Variants in TNRC6C observed in about 807,000 individuals in gnomAD.
The protein encoded by TNRC6C is trinucleotide repeat containing adaptor 6C, also known as trinucleotide repeat-containing gene 6C protein.
A neutral mutation model predicts 153.7 loss-of-function variants in TNRC6C; 20 were observed. That is an observed-to-expected ratio of 0.13 (90% confidence interval 0.09 to 0.19). The LOEUF is 0.19. Among genes scored for constraint, TNRC6C ranks in the 10% least tolerant of loss-of-function variants. The probability of loss-of-function intolerance (pLI) is 1.00; values close to 1 mark genes in which losing one functional copy is unlikely to be tolerated. For missense variants in TNRC6C, 1,987 were observed against 2,172.0 expected (o/e 0.91, Z 1.69); for synonymous variants, 811 against 841.4 (o/e 0.96, Z 0.63).
chr17:78,044,178 A>G (rs949718208), intron 2 of TNRC6C, among the ~76,000 whole-genome samples: 2 of 152,234 alleles, frequency 1.3e-5, no homozygotes, highest in Non-Finnish European at 2.9e-5. Flanking sequence ...TTGAGCTATC[A>G]GTTCCTCTTG....
intron 1 of TNRC6C, chr17:78,011,892 A>G (rs1359325079): frequency 1.3e-5 from 2 of 152,172 alleles, no homozygotes; most frequent in Admixed American, 6.5e-5. Context: ...ATTGGCATTA[A>G]CCTAATGACT....
At chr17:78,084,042 G>A (rs1336922446) in intron 11 of TNRC6C, among the ~76,000 whole-genome samples, 1 of 152,072 alleles carries the variant, frequency 6.6e-6, no homozygotes, top group Non-Finnish European at 1.5e-5. Flanking sequence ...CCAGCATTTT[G>A]GGAGGCCCAG....
intron 1 of TNRC6C, among the ~76,000 whole-genome samples, chr17:77,978,169 T>G (rs2071028624): frequency 6.6e-6 from 1 of 152,122 alleles, no homozygotes; most frequent in African/African-American, 2.4e-5. Context: ...AGTACTGGGA[T>G]TACAGGCGTG....
Position 78,051,428 on chromosome 17 carries a change from G to A in TNRC6C, c.2366G>A (p.Arg789Gln), listed in dbSNP as rs564951028. ...CACCAGGCCGGTACTCAGCTGAATC[G>A]ATCACCGTTGCTTGGTCCAGGTAGG... The change falls in exon 3 of 20, where the codon CGA becomes CAA. Residue 789 changes from arginine to glutamine, a missense_variant. By Grantham distance (43) the Arg-to-Gln change is conservative. Transcript: ENST00000301624. 23 of 1,515,228 alleles carry A rather than the reference G, an allele frequency of 1.5e-5. No individual in the cohort carries two copies. In the Admixed American group the frequency reaches 3.4e-4, roughly 22 times the overall value. 93.9% of individuals were successfully genotyped at this position (1,515,228 alleles called of 1,614,324 possible). A position where few individuals can be genotyped will look rare whatever the true frequency, so the allele number is the denominator to read the frequency against.
chr17:78,081,278 G>A (rs951343398), intron 10 of TNRC6C, among the ~76,000 whole-genome samples: 11 of 149,080 alleles, frequency 7.4e-5, no homozygotes, highest in Non-Finnish European at 1.5e-4. Context: ...GAATTCTCGG[G>A]GGACGCAGAC....
chr17:78,012,896 A>G (rs2071661517), intron 1 of TNRC6C, among the ~76,000 whole-genome samples: 2 of 152,154 alleles, frequency 1.3e-5, no homozygotes, highest in South Asian at 2.1e-4. Flanking sequence ...TTGCATCTCT[A>G]TAAGAAAAGA....
At chr17:78,030,705 C>G (rs527624298) in intron 1 of TNRC6C, among the ~76,000 whole-genome samples, 1 of 152,240 alleles carries the variant, frequency 6.6e-6, no homozygotes, top group African/African-American at 2.4e-5. Context: ...TCATGGACAC[C>G]TAAAGATTCC....
Position 78,079,437 on chromosome 17 carries a change from G to A in TNRC6C, c.3253G>A (p.Ala1085Thr). 1.9e-6 allele frequency: 3 copies of A among 1,613,922 alleles called. No homozygotes were observed. The highest frequency in any genetic ancestry group is 1.1e-5 in the South Asian group (1 of 91,074). Residue 1085 changes from alanine (A) to threonine (T), a missense_variant, in exon 10 of 20, where the codon GCA becomes ACA. Coordinates refer to ENST00000301624, the Ensembl canonical transcript of TNRC6C. The surrounding 1 kb of genome is among the most constrained non-coding windows in gnomAD (Gnocchi z 4.3). ...GGGTATGTTTGGCAATAGTGGAGCA[G>A]CACAAGCCAGGACCATGCAGCAGCC...
chr17:78,072,688 G>GC (rs1387003479), intron 6 of TNRC6C, among the ~76,000 whole-genome samples: 1 of 152,190 alleles, frequency 6.6e-6, no homozygotes, highest in East Asian at 1.9e-4. Flanking sequence ...TTTGAGACCA[G>GC]CCAGGGCAAC....
chr17:78,107,266 T>C (rs903288876), exon 20 of TNRC6C: 1 of 152,190 alleles, frequency 6.6e-6, no homozygotes, highest in Non-Finnish European at 1.5e-5. Context: ...GTTTTTTGTT[T>C]GTTTGTTTTT....
chr17:78,004,191 A>G (rs1183940864), upstream of TNRC6C: 3 of 1,231,620 alleles, frequency 2.4e-6, no homozygotes, highest in Admixed American at 8.4e-5. Context: ...AAGAAACACA[A>G]GAAGAGGAAC....
chr17:78,091,324 C>G, intron 13 of TNRC6C, 116 bp from the exon 16 acceptor site: 1 of 1,068,840 alleles, frequency 9.4e-7, no homozygotes. Context: ...AAGACTCCGT[C>G]TCAAAAAAAA....
At chr17:77,963,743 A>C (rs4789522) in intron 1 of TNRC6C, among the ~76,000 whole-genome samples, 69,471 of 152,090 alleles carry the variant, frequency 0.46, 17,832 homozygotes, top group African/African-American at 0.7. Flanking sequence ...GGAACACTCA[A>C]TGTTATTTTG....
At chr17:77,965,940 G>A (rs150788481) in intron 1 of TNRC6C, among the ~76,000 whole-genome samples, 224 of 152,208 alleles carry the variant, frequency 1.5e-3, no homozygotes, top group Middle Eastern at 3.4e-3. Flanking sequence ...TAGTTCAGTG[G>A]GACTGACTTT....
exon 7 of TNRC6C, chr17:78,073,062 A>G: frequency 1.3e-6 from 2 of 1,557,240 alleles, no homozygotes; most frequent in Non-Finnish European, 1.7e-6. Flanking sequence ...GAGGCCTTGA[A>G]GAGTAACAAT....
rs775025630 is a variant in TNRC6C, at chr17:78,104,754, C to T, written c.4982C>T (p.Pro1661Leu). 27 of 1,491,470 alleles carry T rather than the reference C, an allele frequency of 1.8e-5. No individual in the cohort carries two copies. The highest frequency in any genetic ancestry group is 4.2e-5 in the African/African-American group (3 of 70,662). The allele number at this position is 1,491,470 out of a possible 1,614,324, so 92.4% of individuals were successfully genotyped here. A position where few individuals can be genotyped will look rare whatever the true frequency, so the allele number is the denominator to read the frequency against. ...CAGTACTCCAGCAGCCTGTGGGGCC[C>T]GCCCAGCGCCGACGACAGCAGGGTG... Residue 1661 changes from proline (P) to leucine (L), a missense_variant, in exon 20 of 20, where the codon CCG (proline) becomes CTG (leucine). Physicochemically the swap from Pro to Leu is moderately conservative, Grantham distance 98 (BLOSUM62 -3). Around this residue, in one of 4 missense-constraint regions of TNRC6C, gnomAD observed 139 missense variants for 148.5 expected, o/e 0.94. Transcript: ENST00000301624. The surrounding 1 kb of genome is among the most constrained non-coding windows in gnomAD (Gnocchi z 6.2).
intron 17 of TNRC6C, among the ~76,000 whole-genome samples, chr17:78,100,137 G>A (rs372912091): frequency 1.3e-5 from 2 of 152,344 alleles, no homozygotes; most frequent in African/African-American, 4.8e-5. Flanking sequence ...GGCTGGTATT[G>A]TCTGCAGCTT....
Position 78,104,677 on chromosome 17 carries a change from C to T in TNRC6C, c.4905C>T (p.Ala1635=), listed in dbSNP as rs748974112. The T allele has an allele frequency of 1.5e-5, 23 of 1,542,392 alleles. No homozygotes were observed. In the Admixed American group the frequency reaches 4.5e-4, roughly 30 times the overall value. The change falls in exon 20 of 20, where the codon GCC becomes GCT. Residue 1635 remains alanine, a synonymous_variant. Transcript: ENST00000301624. This position sits in a 1 kb window ranked among gnomAD's most constrained non-coding sequence, Gnocchi z 6.2. Reference sequence around the variant, plus strand: ...GCAGCGACGCTGGCCACTGGAACGCCCCGTGCCTGGGTGGCAAGGGGAGCA... The same window carrying T: ...GCAGCGACGCTGGCCACTGGAACGCTCCGTGCCTGGGTGGCAAGGGGAGCA...
At chr17:78,059,945 A>G (rs2072734123) in intron 3 of TNRC6C, among the ~76,000 whole-genome samples, 1 of 152,146 alleles carries the variant, frequency 6.6e-6, no homozygotes, top group Admixed American at 6.5e-5. Flanking sequence ...TAGTATCGTG[A>G]AATCAAAACT....
Sources: gnomAD v4.1 joint callset for allele counts (sites outside exome capture counted in the v4.1 genomes callset) on GRCh38, gnomAD v4.1.1 for gene constraint, gnomAD v4.1.1 regional missense constraint, Gnocchi (gnomAD v3.1) non-coding constraint, MANE v1.5 for transcripts, NCBI Gene and HGNC (gene_info 2026-07-23, HGNC 2026-07-21) for gene names.